The following CAMSAP2 variants were observed in gnomAD, a reference collection of about 807,000 sequenced individuals.
CAMSAP2 encodes the protein calmodulin-regulated spectrin-associated protein 2.
Under a neutral mutation model 146.1 loss-of-function variants are expected in CAMSAP2, and 26 were observed. The ratio of observed to expected loss-of-function variants is 0.18; its 90% CI spans 0.13 to 0.25. The LOEUF (loss-of-function observed/expected upper bound fraction) is 0.25. Among genes scored for constraint, CAMSAP2 ranks in the 10% least tolerant of loss-of-function variants. The pLI, the probability that CAMSAP2 is intolerant of heterozygous loss-of-function variation, is 1.00. For missense variants in CAMSAP2, 1,381 were observed against 1,759.3 expected (o/e 0.78, Z 3.85); for synonymous variants, 499 against 596.6 (o/e 0.84, Z 2.38).
intron 6 of CAMSAP2, among the ~76,000 whole-genome samples, chr1:200,834,176 A>G (rs562562668): frequency 6.6e-6 from 1 of 152,196 alleles, no homozygotes; most frequent in African/African-American, 2.4e-5. Flanking sequence ...CAGCCTGGCC[A>G]ACATGGTGAA....
At chr1:200,805,601 A>G (rs1327720155) in intron 2 of CAMSAP2, among the ~76,000 whole-genome samples, 1 of 152,220 alleles carries the variant, frequency 6.6e-6, no homozygotes, top group Non-Finnish European at 1.5e-5. Flanking sequence ...TAATGCAAAC[A>G]GAAACAATAT....
chr1:200,760,771 TATTA>T (rs879105916), intron 1 of CAMSAP2, 64 bp from the exon 2 acceptor site: 1 of 1,123,218 alleles, frequency 8.9e-7, no homozygotes, highest in East Asian at 2.6e-5. Flanking sequence ...AAATAATAAT[TATTA>T]ATTAAATTCT....
At chr1:200,805,782 G>A (rs1008443406) in intron 2 of CAMSAP2, among the ~76,000 whole-genome samples, 1 of 152,126 alleles carries the variant, frequency 6.6e-6, no homozygotes, top group Non-Finnish European at 1.5e-5. Flanking sequence ...GTAGCAGATT[G>A]GAGAAGGAAA....
intron 4 of CAMSAP2, chr1:200,828,483 C>A: frequency 8.0e-7 from 1 of 1,250,312 alleles, no homozygotes; most frequent in Non-Finnish European, 1.1e-6. Flanking sequence ...CTATCAGAAG[C>A]TTTACTATAA....
chr1:200,753,481 G>T (rs1664566076), intron 1 of CAMSAP2, among the ~76,000 whole-genome samples: 2 of 152,000 alleles, frequency 1.3e-5, no homozygotes, highest in Admixed American at 1.3e-4. Flanking sequence ...ACTCTGGAGT[G>T]CTGGGCCCTG....
intron 14 of CAMSAP2, 92 bp from the exon 15 acceptor site, chr1:200,855,918 T>C (rs2102268754): frequency 1.2e-6 from 1 of 827,156 alleles, no homozygotes; most frequent in East Asian, 2.5e-5. Flanking sequence ...TTTAGGCCTT[T>C]AGGTTGATTT....
chr1:200,781,115 G>A (rs1024822052), intron 2 of CAMSAP2, among the ~76,000 whole-genome samples: 2 of 152,186 alleles, frequency 1.3e-5, no homozygotes, highest in East Asian at 1.9e-4. Flanking sequence ...ATGATAAAGT[G>A]TATTTCAGTG....
At chr1:200,823,010 G>A (rs1194743855) in intron 4 of CAMSAP2, among the ~76,000 whole-genome samples, 1 of 152,074 alleles carries the variant, frequency 6.6e-6, no homozygotes, top group Non-Finnish European at 1.5e-5. Flanking sequence ...AATTTGAGAG[G>A]AGTTACTCTA....
chr1:200,834,653 C>T (rs1224204790), intron 6 of CAMSAP2, among the ~76,000 whole-genome samples: 8 of 152,156 alleles, frequency 5.3e-5, no homozygotes, highest in Admixed American at 5.2e-4. Flanking sequence ...GTGGCTCATG[C>T]CTATAATCCC....
Position 200,748,000 on chromosome 1 carries a change from A to AAG in CAMSAP2, c.139+8035_139+8036insGA, listed in dbSNP as rs1553277877. 2.0e-5 allele frequency among the ~76,000 whole-genome samples: 3 copies of AAG among 151,962 alleles called. No individual in the cohort carries two copies. The East Asian group carries it at 5.8e-4, about 29-fold the overall frequency. On this transcript the variant is annotated intron_variant, in intron 1 of 16. Coordinates refer to ENST00000358823, the MANE Select transcript of CAMSAP2 (RefSeq NM_203459.4). ...AGACTCCGTCTCAAAAAAAAAAAAA[A>AAG]AAAAAGAAAATGGCTGTAGCAGTTC...
chr1:200,857,855 C>G lies in CAMSAP2; in HGVS notation c.4233C>G (p.Ile1411Met). ...LYTYCPETEEINKLTGIGPKS... is the reference protein window; with the variant it reads ...LYTYCPETEEMNKLTGIGPKS... ...CTTATTGCCCAGAAACTGAAGAAAT[C>G]AATAAACTGACTGGGATAGGCCCTA... The change falls in exon 17 of 17, where the codon ATC (isoleucine) becomes ATG (methionine). Residue 1411 changes from isoleucine to methionine, a missense_variant. Physicochemically the swap from Ile to Met is conservative, Grantham distance 10. Coordinates refer to ENST00000358823, the MANE Select transcript of CAMSAP2 (RefSeq NM_203459.4). This position sits in a 1 kb window ranked among gnomAD's most constrained non-coding sequence, Gnocchi z 4.7. 1 of 1,613,624 alleles carries G rather than the reference C, an allele frequency of 6.2e-7. No homozygotes were observed. Among genetic ancestry groups the G allele is most frequent in the Non-Finnish European group, 8.5e-7 (1 of 1,179,722 alleles).
chr1:200,751,266 A>C (rs1326302622), intron 1 of CAMSAP2, among the ~76,000 whole-genome samples: 3 of 151,200 alleles, frequency 2.0e-5, no homozygotes, highest in African/African-American at 7.3e-5. Flanking sequence ...AATATATATA[A>C]TATTTCTGGA....
intron 2 of CAMSAP2, among the ~76,000 whole-genome samples, chr1:200,773,058 A>G (rs952426720): frequency 1.3e-5 from 2 of 152,216 alleles, no homozygotes; most frequent in Non-Finnish European, 2.9e-5. Context: ...CATAAATTAG[A>G]TAATTCACTT....
At chr1:200,770,573 C>T (rs1052894867) in intron 2 of CAMSAP2, among the ~76,000 whole-genome samples, 2 of 152,024 alleles carry the variant, frequency 1.3e-5, no homozygotes, top group Non-Finnish European at 2.9e-5. Context: ...GCCACCACAC[C>T]CAGCTAATTT....
rs779933897 is a variant in CAMSAP2 at position 200,815,650 on chromosome 1, T to C, written c.645+6T>C. ...AAGCTCCAGGAGGTCAAAAGGTATT[T>C]ATTTCAAAAACAAAAAGGTGCCTTT... On this transcript the variant is annotated splice_donor_region_variant and intron_variant, in intron 4 of 16. Transcript: ENST00000358823. 1.7e-5 allele frequency: 26 copies of C among 1,526,738 alleles called. No individual in the cohort carries two copies. The highest frequency in any genetic ancestry group is 2.1e-5 in the Non-Finnish European group (24 of 1,134,634). The allele number at this position is 1,526,738 out of a possible 1,614,324, so 94.6% of individuals were successfully genotyped here.
At chr1:200,819,384 G>A (rs1261606332) in intron 4 of CAMSAP2, among the ~76,000 whole-genome samples, 3 of 152,038 alleles carry the variant, frequency 2.0e-5, no homozygotes, top group Admixed American at 2.0e-4. Context: ...TTTTTTATAA[G>A]TTGCACAGGT....
intron 4 of CAMSAP2, among the ~76,000 whole-genome samples, chr1:200,827,334 G>A (rs187225835): frequency 6.6e-6 from 1 of 152,236 alleles, no homozygotes; most frequent in African/African-American, 2.4e-5. Context: ...ATAATTTCTT[G>A]TTATCACCAT....
intron 2 of CAMSAP2, among the ~76,000 whole-genome samples, chr1:200,781,105 A>G (rs938583420): frequency 1.3e-5 from 2 of 152,194 alleles, no homozygotes; most frequent in African/African-American, 4.8e-5. Context: ...TTATTTTTAT[A>G]TGATAAAGTG....
At chr1:200,792,351 A>C (rs1665777185) in intron 2 of CAMSAP2, among the ~76,000 whole-genome samples, 1 of 152,230 alleles carries the variant, frequency 6.6e-6, no homozygotes, top group Non-Finnish European at 1.5e-5. Context: ...GAATATGCAT[A>C]GACATGCTAA....
Sources: gnomAD v4.1 joint callset for allele counts (sites outside exome capture counted in the v4.1 genomes callset) on GRCh38, gnomAD v4.1.1 for gene constraint, Gnocchi (gnomAD v3.1) non-coding constraint, MANE v1.5 for transcripts, NCBI Gene and HGNC (gene_info 2026-07-23, HGNC 2026-07-21) for gene names.